The following PDE6A variants were observed in gnomAD, a reference collection of about 807,000 sequenced individuals.
PDE6A encodes phosphodiesterase 6A.
PDE6A carries 84 observed loss-of-function variants against 106.3 expected under a neutral mutation model. That is an observed-to-expected ratio of 0.79 (90% CI 0.66 to 0.95). The LOEUF (loss-of-function observed/expected upper bound fraction) is 0.95. PDE6A is among the 40% of genes least tolerant of loss of function. The probability of loss-of-function intolerance (pLI) is 0.00; values close to 1 mark genes in which losing one functional copy is unlikely to be tolerated. For missense variants in PDE6A, 1,052 were observed against 1,084.9 expected (o/e 0.97, Z 0.43); for synonymous variants, 394 against 386.6 (o/e 1.02, Z -0.23).
intron 5 of PDE6A, 61 bp downstream of exon 5, chr5:149,921,574 G>C: frequency 2.2e-6 from 3 of 1,364,270 alleles, no homozygotes; most frequent in Non-Finnish European, 2.1e-6. Flanking sequence ...CTTTAACAGG[G>C]TTTACTGTGC....
In PDE6A at chr5:149,934,018, A is replaced by G. The variant is rs781503578; in HGVS notation, c.629T>C (p.Ile210Thr). The G allele has an allele frequency of 6.3e-7, 1 of 1,594,176 alleles. No individual in the cohort carries two copies. Among genetic ancestry groups the G allele is most frequent in the Non-Finnish European group, 8.6e-7 (1 of 1,162,226 alleles). Residue 210 changes from isoleucine to threonine, a missense_variant and splice_region_variant, in exon 3 of 22, where the codon ATT becomes ACT. Coordinates refer to ENST00000255266, the MANE Select transcript of PDE6A (RefSeq NM_000440.3). ...TGCAAAATTGAGGTACTTGAGAAGA[A>G]TCTAAAAATCAAACAGCATGAGGGG... is the stretch of plus-strand genomic sequence containing the variant. The part of the protein sequence containing the change: ...GSHFTKRDEE[I>T]LLKYLNFANL...
chr5:149,866,322 C>A, intron 19 of PDE6A, 69 bp from the exon 20 acceptor site: 2 of 1,130,896 alleles, frequency 1.8e-6, no homozygotes, highest in Non-Finnish European at 2.7e-6. Context: ...ATGAAGCATT[C>A]TTACTAAAAT....
intron 6 of PDE6A, among the ~76,000 whole-genome samples, chr5:149,909,696 G>A (rs1035363728): frequency 6.6e-6 from 1 of 152,170 alleles, no homozygotes; most frequent in Non-Finnish European, 1.5e-5. Context: ...ATTTGAGGCT[G>A]TAAATTTTAC....
chr5:149,888,879 C>T lies in PDE6A; in HGVS notation c.1729-2505G>A, dbSNP rs942238330. On this transcript the variant is annotated intron_variant, in intron 13 of 21. Coordinates refer to ENST00000255266, the MANE Select transcript of PDE6A (RefSeq NM_000440.3). ...CGGGCGGATCACGAGGTCAGGAGAT[C>T]GAGACCATCCTGGCTAACACAGTGA... 4.6e-5 allele frequency among the ~76,000 whole-genome samples: 7 copies of T among 151,610 alleles called. No individual in the cohort carries two copies. The East Asian group carries it at 1.4e-3, about 29-fold the overall frequency.
At chr5:149,861,891 T>C (rs1760157679) in intron 21 of PDE6A, among the ~76,000 whole-genome samples, 1 of 152,196 alleles carries the variant, frequency 6.6e-6, no homozygotes, top group East Asian at 1.9e-4. Flanking sequence ...AAAAATGCAC[T>C]TATTTCCCAG....
intron 17 of PDE6A, among the ~76,000 whole-genome samples, chr5:149,874,483 C>T (rs532367733): frequency 6.7e-6 from 1 of 149,334 alleles, no homozygotes; most frequent in African/African-American, 2.6e-5. Flanking sequence ...AGGGGGAATG[C>T]GTGCCACCAC....
At chr5:149,927,892 C>T (rs2113651276) in intron 4 of PDE6A, among the ~76,000 whole-genome samples, 1 of 151,512 alleles carries the variant, frequency 6.6e-6, no homozygotes, top group East Asian at 1.9e-4. Context: ...ACACATTAGC[C>T]TAGACCTACA....
At chr5:149,904,194 C>T (rs754579128) in intron 7 of PDE6A, among the ~76,000 whole-genome samples, 4 of 152,166 alleles carry the variant, frequency 2.6e-5, no homozygotes, top group South Asian at 2.1e-4. Flanking sequence ...TTGCAGTGAG[C>T]CGAGATCGTG....
intron 8 of PDE6A, among the ~76,000 whole-genome samples, chr5:149,902,315 T>G (rs1470689383): frequency 6.6e-6 from 1 of 152,112 alleles, no homozygotes; most frequent in Non-Finnish European, 1.5e-5. Flanking sequence ...CCTCCCAGAT[T>G]AAGTCAGAAT....
intron 13 of PDE6A, among the ~76,000 whole-genome samples, chr5:149,893,023 C>T (rs1752600706): frequency 6.6e-6 from 1 of 152,184 alleles, no homozygotes; most frequent in African/African-American, 2.4e-5. Flanking sequence ...CCTCATTTAT[C>T]TTCCACTTTT....
chr5:149,899,231 G>T, intron 9 of PDE6A, 144 bp downstream of exon 9: 1 of 781,542 alleles, frequency 1.3e-6, no homozygotes, highest in South Asian at 1.4e-5. Context: ...GTACAGCAGT[G>T]AGAGTGAAGA....
At chr5:149,890,285 T>C (rs1470577751) in intron 13 of PDE6A, among the ~76,000 whole-genome samples, 2 of 152,204 alleles carry the variant, frequency 1.3e-5, no homozygotes, top group African/African-American at 4.8e-5. Flanking sequence ...TTAAGTATTT[T>C]TCTTGACTGC....
At chr5:149,896,549 T>C (rs1012122424) in intron 11 of PDE6A, 47 bp from the exon 12 acceptor site, 40 of 1,614,004 alleles carry the variant, frequency 2.5e-5, no homozygotes, top group Non-Finnish European at 3.4e-5. Context: ...GAAGTGTTTC[T>C]GGGTGCCCAC....
rs1427997949 is a variant in PDE6A, at chr5:149,884,916, A to T, written c.1839-49T>A. 4 of 1,384,230 alleles carry T rather than the reference A, an allele frequency of 2.9e-6. No homozygotes were observed. The East Asian group carries it at 9.1e-5, about 32-fold the overall frequency. 85.7% of individuals were successfully genotyped at this position (1,384,230 alleles called of 1,614,324 possible). A position where few individuals can be genotyped will look rare whatever the true frequency, so the allele number is the denominator to read the frequency against. The stretch of plus-strand genomic sequence containing the variant: ...AATATGGAGTGGACAATAGAAAATT[A>T]GGACTAAACATCAAGTCTCCTGACT... On this transcript the variant is annotated intron_variant, in intron 14 of 21. Coordinates refer to ENST00000255266, the MANE Select transcript of PDE6A (RefSeq NM_000440.3).
At chr5:149,870,202 T>C (rs1413219878) in intron 17 of PDE6A, among the ~76,000 whole-genome samples, 1 of 152,110 alleles carries the variant, frequency 6.6e-6, no homozygotes, top group Non-Finnish European at 1.5e-5. Flanking sequence ...GGTGAGGGGA[T>C]CGCTTGAACC....
At position 149,867,710 on chromosome 5, in the gene PDE6A, C is replaced by A. The variant is rs569179072; in HGVS notation, c.2274+15G>T. 6.3e-5 allele frequency: 102 copies of A among 1,612,026 alleles called. No individual in the cohort carries two copies. The South Asian group carries it at 1.1e-3, about 17-fold the overall frequency. ...CACACACCTAACATCAGGCTGACAT[C>A]CCCTGTCTACTCACAATGGGATTCT... On this transcript the variant is annotated intron_variant, in intron 19 of 21. Transcript: ENST00000255266.
rs143444360 is a variant in PDE6A at position 149,862,862 on chromosome 5, T to C, written c.2506+257A>G. ...TGTCCACAGCCCTAAAATCAGAGTC[T>C]GTGCTATGTTGGTTGCCGGGGCACT... On this transcript the variant is annotated intron_variant, in intron 21 of 21. Transcript: ENST00000255266. Among the ~76,000 whole-genome samples, 331 of 152,370 alleles carry C rather than the reference T, an allele frequency of 2.2e-3. 1 individual carries two copies. The highest frequency in any genetic ancestry group is 7.4e-3 in the African/African-American group (309 of 41,590).
At chr5:149,895,987 A>G (rs572034530) in intron 12 of PDE6A, among the ~76,000 whole-genome samples, 126 of 152,328 alleles carry the variant, frequency 8.3e-4, no homozygotes, top group African/African-American at 2.1e-3. Flanking sequence ...CTAGACTCAC[A>G]GCAAACCTTA....
chr5:149,885,488 A>T (rs1275602185), intron 14 of PDE6A, among the ~76,000 whole-genome samples: 1 of 152,246 alleles, frequency 6.6e-6, no homozygotes, highest in East Asian at 1.9e-4. Flanking sequence ...GCTGTCTGAA[A>T]TATAAGCTCT....
Sources: gnomAD v4.1 joint callset for allele counts (sites outside exome capture counted in the v4.1 genomes callset) on GRCh38, gnomAD v4.1.1 for gene constraint, MANE v1.5 for transcripts, NCBI Gene and HGNC (gene_info 2026-07-23, HGNC 2026-07-21) for gene names.